Variants in ZNF516 observed in about 807,000 individuals in gnomAD.
The protein encoded by ZNF516 is zinc finger protein 516.
A neutral mutation model predicts 79.7 loss-of-function variants in ZNF516; 19 were observed. The observed-to-expected ratio is 0.24, with a 90% CI of 0.17 to 0.35. The LOEUF is 0.35. Ranked by LOEUF, ZNF516 falls within the 10% of genes least tolerant of loss-of-function variation. ZNF516 has a pLI of 1.00. For missense variants in ZNF516, 1,678 were observed against 1,679.5 expected (o/e 1.00, Z 0.02); for synonymous variants, 877 against 739.5 (o/e 1.19, Z -3.02).
intron 3 of ZNF516, among the ~76,000 whole-genome samples, chr18:76,400,468 T>C (rs990722590): frequency 1.7e-4 from 26 of 152,310 alleles, no homozygotes; most frequent in African/African-American, 6.0e-4. Flanking sequence ...GGACACTAAA[T>C]AAACAAATAA....
At chr18:76,405,389 C>T (rs661597) in intron 3 of ZNF516, among the ~76,000 whole-genome samples, 151,527 of 152,192 alleles carry the variant, frequency 1, 75,437 homozygotes, top group Middle Eastern at 1. Flanking sequence ...CAGTGCTACC[C>T]GCATAGGACA....
At chr18:76,420,822 T>C (rs1467532245) in intron 3 of ZNF516, among the ~76,000 whole-genome samples, 4 of 152,204 alleles carry the variant, frequency 2.6e-5, no homozygotes, top group African/African-American at 9.7e-5. Context: ...TTATGCTTAG[T>C]AGTGAAATTC....
At chr18:76,432,277 T>C (rs565791339) in intron 3 of ZNF516, among the ~76,000 whole-genome samples, 11 of 152,322 alleles carry the variant, frequency 7.2e-5, no homozygotes, top group South Asian at 4.1e-4. Flanking sequence ...GCTCACCCCA[T>C]AGGCCTCTGC....
Position 76,379,673 on chromosome 18 carries a change from C to T in ZNF516, c.2441G>A (p.Gly814Glu). The T allele has an allele frequency of 6.2e-7, 1 of 1,613,618 alleles. No homozygotes were observed. Among genetic ancestry groups the T allele is most frequent in the Non-Finnish European group, 8.5e-7 (1 of 1,179,882 alleles). Residue 814 changes from glycine (G) to glutamate (E), a missense_variant, in exon 4 of 7, where the codon GGA becomes GAA. Physicochemically the swap from Gly to Glu is moderately conservative, Grantham distance 98. Coordinates refer to ENST00000443185, the MANE Select transcript of ZNF516 (RefSeq NM_014643.4). ...GAGGGCAGGCGGGGGGCCCGTGCGT[C>T]CGCTCCGGGAAAGGAAAACCAAATT... is the stretch of plus-strand genomic sequence containing the variant. ...RSNLVFLSRS[G>E]RTGPPPALGG...
In ZNF516 at chr18:76,442,116, G is replaced by C. The variant is rs747729807; in HGVS notation, c.939C>G (p.Asp313Glu). The C allele has an allele frequency of 5.0e-6, 8 of 1,613,860 alleles. No homozygotes were observed. Residue 313 changes from aspartate to glutamate, a missense_variant, in exon 3 of 7, where the codon GAC becomes GAG. Transcript: ENST00000443185. Reference sequence around the variant, plus strand: ...CCACGTTGTTGATGGTGGCGATGGGGTCCAGCTCACTCTTGGGCCTGTTCT... The same window carrying C: ...CCACGTTGTTGATGGTGGCGATGGGCTCCAGCTCACTCTTGGGCCTGTTCT... The part of the protein sequence containing the change: ...GSKNRPKSEL[D>E]PIATINNVVQ...
intron 5 of ZNF516, 82 bp downstream of exon 5, chr18:76,371,385 C>T (rs1353074263): frequency 8.8e-6 from 12 of 1,361,230 alleles, no homozygotes; most frequent in East Asian, 2.5e-5. Flanking sequence ...GTATCTCCCT[C>T]GCTGCGGATG....
At chr18:76,388,604 T>C (rs2075025877) in intron 3 of ZNF516, 1 of 152,170 alleles carries the variant, frequency 6.6e-6, no homozygotes, top group South Asian at 2.1e-4. Flanking sequence ...GACAAGCTTA[T>C]TGGAGCAGGG....
At chr18:76,440,774 G>GCA (rs2075807201) in intron 3 of ZNF516, among the ~76,000 whole-genome samples, 6 of 151,916 alleles carry the variant, frequency 3.9e-5, no homozygotes, top group African/African-American at 9.7e-5. Context: ...GCGCACGCGC[G>GCA]CATGCATCGT....
intron 3 of ZNF516, among the ~76,000 whole-genome samples, chr18:76,438,519 T>C (rs2075774727): frequency 6.6e-6 from 1 of 152,236 alleles, no homozygotes; most frequent in African/African-American, 2.4e-5. Flanking sequence ...TAGTAACATA[T>C]TCCCAATGAC....
At chr18:76,453,119 C>A (rs1444109366) in intron 2 of ZNF516, among the ~76,000 whole-genome samples, 2 of 152,186 alleles carry the variant, frequency 1.3e-5, no homozygotes, top group Non-Finnish European at 2.9e-5. Context: ...GTAAACTTCA[C>A]AGAACTAAAA....
chr18:76,367,955 G>A (rs538600819), intron 6 of ZNF516, among the ~76,000 whole-genome samples: 5 of 152,132 alleles, frequency 3.3e-5, no homozygotes, highest in East Asian at 1.9e-4. Flanking sequence ...ATGAATACAC[G>A]GTGTTGCATG....
intron 4 of ZNF516, among the ~76,000 whole-genome samples, chr18:76,371,857 C>A (rs1388323223): frequency 6.6e-6 from 1 of 152,226 alleles, no homozygotes; most frequent in East Asian, 1.9e-4. Context: ...CTGTGCAGCT[C>A]CGAGCAACTG....
At chr18:76,478,703 C>T (rs1248301741) in intron 1 of ZNF516, among the ~76,000 whole-genome samples, 1 of 152,180 alleles carries the variant, frequency 6.6e-6, no homozygotes, top group East Asian at 1.9e-4. Context: ...TTTCAGTACA[C>T]TCTCAGTTCT....
rs1030527484 is a variant in ZNF516, at chr18:76,459,355, T to C, written c.-158+3673A>G. Among the ~76,000 whole-genome samples the C allele has an allele frequency of 3.3e-5, 5 of 152,120 alleles. No individual in the cohort carries two copies. Among genetic ancestry groups the C allele is most frequent in the East Asian group, 1.9e-4 (1 of 5,182 alleles). On this transcript the variant is annotated intron_variant, in intron 2 of 6. Transcript: ENST00000443185. The surrounding 1 kb of genome is among the most constrained non-coding windows in gnomAD (Gnocchi z 5.0). ...CGTGGCCACCATCCACTCAACATCA[T>C]TGAGCCCTCCCACAGGCACCCAAGC...
intron 3 of ZNF516, among the ~76,000 whole-genome samples, chr18:76,395,886 C>T (rs1874123813): frequency 6.6e-6 from 1 of 152,208 alleles, no homozygotes; most frequent in Non-Finnish European, 1.5e-5. Context: ...CCCCGCTCCT[C>T]GTCCAGCTCC....
At chr18:76,494,695 C>T (rs985369323) in intron 1 of ZNF516, among the ~76,000 whole-genome samples, 2 of 152,054 alleles carry the variant, frequency 1.3e-5, no homozygotes, top group African/African-American at 4.8e-5. Flanking sequence ...CCCCATCACC[C>T]ACCTTCATTA....
intron 3 of ZNF516, among the ~76,000 whole-genome samples, chr18:76,436,114 G>A (rs1883009116): frequency 6.6e-6 from 1 of 152,262 alleles, no homozygotes; most frequent in Non-Finnish European, 1.5e-5. Flanking sequence ...GAACTGGGCA[G>A]AGCCCGGCCG....
intron 1 of ZNF516, among the ~76,000 whole-genome samples, chr18:76,477,940 T>C (rs1057169186): frequency 1.3e-5 from 2 of 152,258 alleles, no homozygotes; most frequent in East Asian, 1.9e-4. Context: ...TATCCATTTT[T>C]TAATTATTAT....
Position 76,422,536 on chromosome 18 carries a change from A to G in ZNF516, c.1810+18709T>C, listed in dbSNP as rs114691505. ...AATTATGAGGCAGTTCTAAGGCTAT[A>G]AGAGAAGTAGGACTCTGTATTTATG... On this transcript the variant is annotated intron_variant, in intron 3 of 6. Coordinates refer to ENST00000443185, the MANE Select transcript of ZNF516 (RefSeq NM_014643.4). Among the ~76,000 whole-genome samples, 296 of 152,366 alleles carry G rather than the reference A, an allele frequency of 1.9e-3. 1 individual carries two copies. Among genetic ancestry groups the G allele is most frequent in the African/African-American group, 6.9e-3 (286 of 41,588 alleles).
Sources: gnomAD v4.1 joint callset for allele counts (sites outside exome capture counted in the v4.1 genomes callset) on GRCh38, gnomAD v4.1.1 for gene constraint, Gnocchi (gnomAD v3.1) non-coding constraint, MANE v1.5 for transcripts, NCBI Gene and HGNC (gene_info 2026-07-23, HGNC 2026-07-21) for gene names.